ERBB4: variants seen among roughly 807,000 people sequenced by gnomAD.
The protein encoded by ERBB4 is erb-b2 receptor tyrosine kinase 4.
A neutral mutation model predicts 158.0 loss-of-function variants in ERBB4; 42 were observed. The ratio of observed to expected loss-of-function variants is 0.27; its 90% confidence interval spans 0.21 to 0.34. ERBB4 has a LOEUF of 0.34. Among genes scored for constraint, ERBB4 ranks in the 10% least tolerant of loss-of-function variants. ERBB4 has a pLI of 1.00. For missense variants in ERBB4, 1,333 were observed against 1,624.1 expected, an observed-to-expected ratio of 0.82 and a Z score of 3.08; for synonymous variants, 583 against 558.7, an observed-to-expected ratio of 1.04 and a Z score of -0.61.
intron 18 of ERBB4, among the ~76,000 whole-genome samples, chr2:211,620,753 G>A (rs7349376): frequency 0.78 from 119,289 of 152,112 alleles, 48,702 homozygotes; most frequent in Non-Finnish European, 0.89. Context: ...ATTCAATAAA[G>A]TAACCACAGA....
intron 2 of ERBB4, among the ~76,000 whole-genome samples, chr2:212,003,148 G>GGAAGGAAGGAAA (rs2076153427): frequency 1.5e-3 from 23 of 15,182 alleles, no homozygotes; most frequent in African/African-American, 3.3e-3. Flanking sequence ...AAGGAAGGAA[G>GGAAGGAAGGAAA]GAAAGAAAGA....
At chr2:212,517,724 T>A (rs977251980) in intron 1 of ERBB4, among the ~76,000 whole-genome samples, 7 of 152,080 alleles carry the variant, frequency 4.6e-5, no homozygotes, top group African/African-American at 1.7e-4. Flanking sequence ...TGCTATTGAT[T>A]ACAGGTCACT....
chr2:211,831,206 C>A (rs10190218), intron 3 of ERBB4, among the ~76,000 whole-genome samples: 122,729 of 152,034 alleles, frequency 0.81, 49,865 homozygotes, highest in Non-Finnish European at 0.86. Flanking sequence ...CTACGCTTTC[C>A]AAAGGTTTTT....
At chr2:211,966,440 C>T (rs1378666119) in intron 2 of ERBB4, among the ~76,000 whole-genome samples, 22 of 152,032 alleles carry the variant, frequency 1.4e-4, no homozygotes. Context: ...CGGGGTTTCA[C>T]TGTGTTGGCC....
At chr2:212,438,877 A>G (rs1188743028) in intron 1 of ERBB4, among the ~76,000 whole-genome samples, 1 of 152,154 alleles carries the variant, frequency 6.6e-6, no homozygotes, top group Non-Finnish European at 1.5e-5. Flanking sequence ...GCTCAAAGAC[A>G]GACAAATAGA....
intron 2 of ERBB4, among the ~76,000 whole-genome samples, chr2:212,106,222 C>A (rs891203063): frequency 1.3e-5 from 2 of 152,146 alleles, no homozygotes; most frequent in African/African-American, 2.4e-5. Flanking sequence ...TAGAGACTTG[C>A]TGAATGGGTT....
chr2:212,132,963 T>C (rs1023673836), intron 1 of ERBB4, among the ~76,000 whole-genome samples: 1 of 151,948 alleles, frequency 6.6e-6, no homozygotes, highest in African/African-American at 2.4e-5. Flanking sequence ...ATAAAGAAAA[T>C]AACAGGTCAT....
intron 4 of ERBB4, among the ~76,000 whole-genome samples, chr2:211,765,205 C>T (rs1426385722): frequency 1.3e-5 from 2 of 152,084 alleles, no homozygotes; most frequent in Non-Finnish European, 2.9e-5. Flanking sequence ...AAGATTCAAA[C>T]TCATGTAGAA....
chr2:211,961,382 G>A (rs766598057), intron 2 of ERBB4, among the ~76,000 whole-genome samples: 2 of 152,130 alleles, frequency 1.3e-5, no homozygotes, highest in Non-Finnish European at 2.9e-5. Flanking sequence ...TTCTGCAACT[G>A]TGACACAAAT....
intron 1 of ERBB4, 46 bp downstream of exon 1, chr2:212,538,403 G>T: frequency 1.3e-6 from 2 of 1,549,728 alleles, no homozygotes; most frequent in Non-Finnish European, 1.8e-6. Flanking sequence ...AGGCAGCCCC[G>T]CCGGCGGCTG....
intron 5 of ERBB4, among the ~76,000 whole-genome samples, chr2:211,733,447 A>ATC (rs1273002519): frequency 1.4e-5 from 2 of 147,542 alleles, no homozygotes; most frequent in African/African-American, 5.4e-5. Flanking sequence ...TCTGCGTAAG[A>ATC]ATACCATAGT....
intron 3 of ERBB4, among the ~76,000 whole-genome samples, chr2:211,922,342 C>T (rs1011692423): frequency 5.3e-5 from 8 of 152,028 alleles, no homozygotes; most frequent in South Asian, 2.1e-4. Context: ...ACAAGAGTGA[C>T]GTGAAAAATT....
intron 2 of ERBB4, among the ~76,000 whole-genome samples, chr2:211,954,877 C>G (rs1053343894): frequency 6.6e-6 from 1 of 151,884 alleles, no homozygotes; most frequent in Non-Finnish European, 1.5e-5. Context: ...AAAAGTTTAC[C>G]AGAATAAAAG....
rs1252601066 is a variant in ERBB4, at chr2:212,191,627, TGTTATGCATGCTATATATAACACATGC to T, written c.83-66751_83-66725del. On this transcript the variant is annotated intron_variant, in intron 1 of 27. Transcript: ENST00000342788. ...TTATGCCTGTTATATATAACACATGTGTTATGCATGCTATATATAACACATGCGTTATACATGTCATATATCGCGTGT... is the reference window on the plus strand; with the variant it reads ...TTATGCCTGTTATATATAACACATGTGTTATACATGTCATATATCGCGTGT... Among the ~76,000 whole-genome samples the T allele has an allele frequency of 8.5e-5, 4 of 47,172 alleles. No individual in the cohort carries two copies. The Admixed American group carries it at 1.1e-3, about 13-fold the overall frequency. 30.9% of individuals were successfully genotyped at this position (47,172 alleles called of 152,430 possible).
intron 1 of ERBB4, among the ~76,000 whole-genome samples, chr2:212,297,940 T>C (rs1438268476): frequency 1.3e-5 from 2 of 151,676 alleles, no homozygotes; most frequent in African/African-American, 4.8e-5. Context: ...TTCAATATAG[T>C]CATAAAAATA....
intron 2 of ERBB4, among the ~76,000 whole-genome samples, chr2:212,014,343 C>A (rs2076458964): frequency 6.6e-6 from 1 of 152,178 alleles, no homozygotes; most frequent in African/African-American, 2.4e-5. Context: ...CTCTTGCCTG[C>A]TTAGAAAGTA....
intron 5 of ERBB4, among the ~76,000 whole-genome samples, chr2:211,733,790 C>T (rs1355397148): frequency 6.6e-6 from 1 of 151,198 alleles, no homozygotes; most frequent in Non-Finnish European, 1.5e-5. Flanking sequence ...AATAAAAATA[C>T]CCACAGAAGG....
intron 4 of ERBB4, among the ~76,000 whole-genome samples, chr2:211,781,790 T>C (rs777577063): frequency 1.7e-4 from 26 of 151,984 alleles, no homozygotes; most frequent in Non-Finnish European, 3.7e-4. Context: ...TAACAGCTCC[T>C]GGGCAAAAAA....
At chr2:212,442,406 C>T (rs1386799507) in intron 1 of ERBB4, among the ~76,000 whole-genome samples, 1 of 152,096 alleles carries the variant, frequency 6.6e-6, no homozygotes, top group Non-Finnish European at 1.5e-5. Context: ...GCATCTTTCT[C>T]CCATCCTTCC....
Sources: gnomAD v4.1 joint callset for allele counts (sites outside exome capture counted in the v4.1 genomes callset) on GRCh38, gnomAD v4.1.1 for gene constraint, MANE v1.5 for transcripts, NCBI Gene and HGNC (gene_info 2026-07-23, HGNC 2026-07-21) for gene names.